The following VSNL1 variants were observed in gnomAD, a reference collection of about 807,000 sequenced individuals.
VSNL1 encodes the protein visinin like 1, also known as visinin-like protein 1.
A neutral mutation model predicts 20.4 loss-of-function variants in VSNL1; 6 were observed. The ratio of observed to expected loss-of-function variants is 0.29; its 90% CI spans 0.16 to 0.58. The LOEUF (loss-of-function observed/expected upper bound fraction) is 0.58. Ranked by LOEUF, VSNL1 falls within the 20% of genes least tolerant of loss-of-function variation. The pLI is 0.90. For synonymous variants in VSNL1, 93 were observed against 86.4 expected (o/e 1.08, Z -0.42); for missense variants, 100 against 234.5 (o/e 0.43, Z 3.75).
intron 1 of VSNL1, among the ~76,000 whole-genome samples, chr2:17,567,101 A>G (rs1361108347): frequency 1.3e-5 from 2 of 152,070 alleles, no homozygotes; most frequent in African/African-American, 4.8e-5. Context: ...TTGCTTTTTC[A>G]TTTGGTTAAA....
intron 2 of VSNL1, among the ~76,000 whole-genome samples, chr2:17,600,580 C>A (rs981162838): frequency 1.3e-5 from 2 of 152,126 alleles, no homozygotes; most frequent in Non-Finnish European, 2.9e-5. Flanking sequence ...TGGGGATGAC[C>A]AGTTTTTAGG....
chr2:17,540,491 T>C (rs1663254709), upstream of VSNL1, among the ~76,000 whole-genome samples: 1 of 152,202 alleles, frequency 6.6e-6, no homozygotes, highest in Non-Finnish European at 1.5e-5. Flanking sequence ...AGACGTGGAA[T>C]CCACCCGCGG....
In VSNL1 at chr2:17,638,274, T is replaced by A. The variant is rs1395164739; in HGVS notation, c.163-11136T>A. Among the ~76,000 whole-genome samples the A allele has an allele frequency of 2.6e-5, 4 of 152,346 alleles. No homozygotes were observed. The East Asian group carries it at 7.7e-4, about 29-fold the overall frequency. ...TAATAGGGACAGCAGTGGAACCTACTTCATAGGATTGTTGGCGGATTACAC... is the reference window on the plus strand; with the variant it reads ...TAATAGGGACAGCAGTGGAACCTACATCATAGGATTGTTGGCGGATTACAC... On this transcript the variant is annotated intron_variant, in intron 2 of 3. Coordinates refer to ENST00000295156, the MANE Select transcript of VSNL1 (RefSeq NM_003385.5).
intron 2 of VSNL1, among the ~76,000 whole-genome samples, chr2:17,613,035 C>G (rs1665127317): frequency 6.6e-6 from 1 of 152,158 alleles, no homozygotes; most frequent in Admixed American, 6.5e-5. Context: ...CCTTAACTCC[C>G]TAGGCCATCC....
chr2:17,646,687 G>A (rs551328440), intron 2 of VSNL1, among the ~76,000 whole-genome samples: 4 of 152,110 alleles, frequency 2.6e-5, no homozygotes, highest in African/African-American at 4.8e-5. Context: ...TACTGCCATC[G>A]AATATTACTT....
intron 2 of VSNL1, among the ~76,000 whole-genome samples, chr2:17,598,652 A>C (rs1353066953): frequency 1.3e-5 from 2 of 152,206 alleles, no homozygotes; most frequent in African/African-American, 4.8e-5. Context: ...TCGCAAGTAA[A>C]ATTTTATATA....
intron 2 of VSNL1, among the ~76,000 whole-genome samples, chr2:17,595,382 T>C (rs563384754): frequency 7.2e-4 from 110 of 152,268 alleles, no homozygotes; most frequent in Admixed American, 1.2e-3. Context: ...TTCACCACAA[T>C]GTAATGTGTA....
In VSNL1 at chr2:17,634,659, G is replaced by T. The variant is rs555688285; in HGVS notation, c.163-14751G>T. Among the ~76,000 whole-genome samples, 2 of 152,310 alleles carry T rather than the reference G, an allele frequency of 1.3e-5. No individual in the cohort carries two copies. Among genetic ancestry groups the T allele is most frequent in the African/African-American group, 4.8e-5 (2 of 41,564 alleles). ...AGCAAAGTAAGAATGAGCCTCTCAG[G>T]TCGTAGTAGGGTGAGGAGGAAAACA... On this transcript the variant is annotated intron_variant, in intron 2 of 3. Transcript: ENST00000295156. The surrounding 1 kb of genome is among the most constrained non-coding windows in gnomAD (Gnocchi z 4.3).
chr2:17,568,423 A>T (rs193078060), intron 1 of VSNL1, among the ~76,000 whole-genome samples: 1 of 152,288 alleles, frequency 6.6e-6, no homozygotes, highest in African/African-American at 2.4e-5. Context: ...ACATGCCACT[A>T]TGCCAGACAA....
chr2:17,612,949 CCAGTGCAGTG>C (rs564451485), intron 2 of VSNL1, among the ~76,000 whole-genome samples: 3 of 152,254 alleles, frequency 2.0e-5, no homozygotes, highest in Admixed American at 1.3e-4. Context: ...GAAGGTGCTT[CCAGTGCAGTG>C]CAGTGCAGTG....
intron 2 of VSNL1, among the ~76,000 whole-genome samples, chr2:17,635,749 G>A (rs1484093535): frequency 6.6e-6 from 1 of 152,194 alleles, no homozygotes; most frequent in Non-Finnish European, 1.5e-5. Context: ...CATCCACAAT[G>A]CTGAGGACAG....
At chr2:17,639,431 G>C (rs1196489085) in intron 2 of VSNL1, among the ~76,000 whole-genome samples, 1 of 152,156 alleles carries the variant, frequency 6.6e-6, no homozygotes, top group Non-Finnish European at 1.5e-5. Flanking sequence ...CCTGGCCTCA[G>C]TGTCTGCCTT....
At chr2:17,552,275 T>C (rs996531376) in intron 1 of VSNL1, among the ~76,000 whole-genome samples, 4 of 152,064 alleles carry the variant, frequency 2.6e-5, no homozygotes, top group African/African-American at 9.7e-5. Context: ...ACTTCATTAC[T>C]TACAGCTTTT....
intron 2 of VSNL1, among the ~76,000 whole-genome samples, chr2:17,597,909 G>T (rs1381973277): frequency 2.0e-5 from 3 of 152,000 alleles, no homozygotes; most frequent in Non-Finnish European, 4.4e-5. Context: ...AAAATATACT[G>T]GTGGAATTCC....
intron 2 of VSNL1, among the ~76,000 whole-genome samples, chr2:17,609,019 G>T (rs1198402020): frequency 1.3e-5 from 2 of 152,134 alleles, no homozygotes; most frequent in South Asian, 2.1e-4. Context: ...TATATATTCA[G>T]TTCATTGATG....
At chr2:17,563,950 T>C (rs562299389) in intron 1 of VSNL1, among the ~76,000 whole-genome samples, 13 of 152,306 alleles carry the variant, frequency 8.5e-5, no homozygotes, top group African/African-American at 3.1e-4. Flanking sequence ...TACTTCTAAA[T>C]AGTCTTCTTA....
At chr2:17,640,839 A>G (rs1176996187) in intron 2 of VSNL1, among the ~76,000 whole-genome samples, 1 of 152,232 alleles carries the variant, frequency 6.6e-6, no homozygotes, top group East Asian at 1.9e-4. Context: ...GGAACATTCA[A>G]AATCCTCTCT....
In VSNL1 at chr2:17,655,319, A is replaced by C; in HGVS notation, c.501A>C (p.Thr167=). 1 of 1,614,154 alleles carries C rather than the reference A, an allele frequency of 6.2e-7. No individual in the cohort carries two copies. The highest frequency in any genetic ancestry group is 8.5e-7 in the Non-Finnish European group (1 of 1,180,026). Residue 167 remains threonine (T), a synonymous_variant, in exon 4 of 4, where the codon ACA becomes ACC. Transcript: ENST00000295156. The surrounding 1 kb of genome is among the most constrained non-coding windows in gnomAD (Gnocchi z 5.2). ...ATAAGAACAAAGATGACCAGATTAC[A>C]CTGGATGAATTCAAAGAAGCTGCAA... is the stretch of plus-strand genomic sequence containing the variant. ...KMDKNKDDQI[T]LDEFKEAAKS...
intron 2 of VSNL1, among the ~76,000 whole-genome samples, chr2:17,640,252 CAAAAAAA>C (rs60583462): frequency 3.4e-4 from 34 of 98,862 alleles, no homozygotes; most frequent in Non-Finnish European, 5.3e-4. Flanking sequence ...GACTCTGTTT[CAAAAAAA>C]AAAAAAAAAA....
Sources: gnomAD v4.1 joint callset for allele counts (sites outside exome capture counted in the v4.1 genomes callset) on GRCh38, gnomAD v4.1.1 for gene constraint, Gnocchi (gnomAD v3.1) non-coding constraint, MANE v1.5 for transcripts, NCBI Gene and HGNC (gene_info 2026-07-23, HGNC 2026-07-21) for gene names.